MAP3K20: variants seen among roughly 807,000 people sequenced by gnomAD.
MAP3K20 encodes the protein mitogen-activated protein kinase kinase kinase 20.
MAP3K20 carries 40 observed loss-of-function variants against 85.7 expected under a neutral mutation model. The observed-to-expected ratio is 0.47, with a 90% CI of 0.36 to 0.61. The LOEUF (loss-of-function observed/expected upper bound fraction) is 0.61. Ranked by LOEUF, MAP3K20 falls within the 20% of genes least tolerant of loss-of-function variation. MAP3K20 has a pLI of 0.00. For missense variants in MAP3K20, 817 were observed against 961.7 expected, an observed-to-expected ratio of 0.85 and a Z score of 1.99; for synonymous variants, 325 against 327.7, an observed-to-expected ratio of 0.99 and a Z score of 0.09.
chr2:173,144,379 T>C (rs532830768), intron 2 of MAP3K20, among the ~76,000 whole-genome samples: 7 of 138,962 alleles, frequency 5.0e-5, no homozygotes, highest in Non-Finnish European at 9.1e-5. Flanking sequence ...AGGAGAATGG[T>C]GTGAACCTGG....
At chr2:173,259,377 G>A (rs1473452330) in intron 17 of MAP3K20, among the ~76,000 whole-genome samples, 6 of 152,130 alleles carry the variant, frequency 3.9e-5, no homozygotes, top group Non-Finnish European at 7.4e-5. Flanking sequence ...AAAGACTTGT[G>A]GAAATGCTTA....
chr2:173,168,670 C>CT (rs1340189584), intron 2 of MAP3K20, among the ~76,000 whole-genome samples: 5 of 152,138 alleles, frequency 3.3e-5, no homozygotes, highest in African/African-American at 4.8e-5. Flanking sequence ...CTCCAGTCTA[C>CT]TTACTGCCAG....
intron 11 of MAP3K20, 22 bp downstream of exon 11, chr2:173,217,272 C>T: frequency 6.6e-7 from 1 of 1,524,626 alleles, no homozygotes; most frequent in Non-Finnish European, 8.8e-7. Flanking sequence ...CCCCCTTCGC[C>T]GTCTTTCCAC....
intron 2 of MAP3K20, among the ~76,000 whole-genome samples, chr2:173,118,091 T>C (rs1051817259): frequency 1.3e-5 from 2 of 152,238 alleles, no homozygotes; most frequent in African/African-American, 4.8e-5. Flanking sequence ...CTGTTATTGC[T>C]TCCATCATTT....
chr2:173,139,347 G>A (rs1405547020), intron 2 of MAP3K20, among the ~76,000 whole-genome samples: 1 of 152,120 alleles, frequency 6.6e-6, no homozygotes, highest in African/African-American at 2.4e-5. Flanking sequence ...AATTCTGATT[G>A]CTTATGAAGG....
chr2:173,249,219 C>T (rs1684989252), intron 16 of MAP3K20, among the ~76,000 whole-genome samples: 1 of 152,152 alleles, frequency 6.6e-6, no homozygotes, highest in Non-Finnish European at 1.5e-5. Flanking sequence ...GAGATCTTTG[C>T]TTTTAGAAGA....
At chr2:173,196,960 T>C (rs1690864702) in intron 7 of MAP3K20, among the ~76,000 whole-genome samples, 1 of 152,140 alleles carries the variant, frequency 6.6e-6, no homozygotes, top group Non-Finnish European at 1.5e-5. Flanking sequence ...GGCAAGTTTT[T>C]TTTTTTTAAC....
chr2:173,258,809 G>T lies in MAP3K20; in HGVS notation c.1470G>T (p.Met490Ile). ...TACCTGATGCGGAGATTTTAAAGAT[G>T]ACAAAGGTAGGGTTCTATTTACGGC... ...TNLPDAEILK[M>I]TKPPFVMEKW... is the part of the protein sequence containing the mutation. The change falls in exon 17 of 20, where the codon ATG becomes ATT. Residue 490 changes from methionine (M) to isoleucine (I), a missense_variant. This residue lies in a region of MAP3K20 where 454 missense variants were observed against 476.9 expected (regional missense o/e 0.95). Coordinates refer to ENST00000375213, the MANE Select transcript of MAP3K20 (RefSeq NM_016653.3). 6.3e-7 allele frequency: 1 copy of T among 1,592,584 alleles called. No homozygotes were observed. Among genetic ancestry groups the T allele is most frequent in the South Asian group, 1.1e-5 (1 of 89,878 alleles).
At chr2:173,253,677 T>G (rs17691726) in intron 16 of MAP3K20, among the ~76,000 whole-genome samples, 6,410 of 152,248 alleles carry the variant, frequency 0.042, 202 homozygotes, top group South Asian at 0.1. Flanking sequence ...GATGTTTGCT[T>G]TTGAGAGTTG....
chr2:173,129,733 A>G (rs569805798), intron 2 of MAP3K20, among the ~76,000 whole-genome samples: 1 of 152,330 alleles, frequency 6.6e-6, no homozygotes, highest in African/African-American at 2.4e-5. Context: ...ACTTTACCAG[A>G]TGTTTTATCT....
At chr2:173,217,809 C>A (rs1170799484) in intron 11 of MAP3K20, among the ~76,000 whole-genome samples, 2 of 152,176 alleles carry the variant, frequency 1.3e-5, no homozygotes, top group Non-Finnish European at 2.9e-5. Context: ...GACAAGCTTT[C>A]AGTATTTATT....
chr2:173,249,927 C>G (rs77711950), intron 16 of MAP3K20, among the ~76,000 whole-genome samples: 3 of 152,108 alleles, frequency 2.0e-5, no homozygotes, highest in Admixed American at 6.5e-5. Flanking sequence ...CTTAAAGCCC[C>G]TTTTTCATAC....
chr2:173,164,167 C>T (rs1403943573), intron 2 of MAP3K20, among the ~76,000 whole-genome samples: 1 of 152,082 alleles, frequency 6.6e-6, no homozygotes, highest in Non-Finnish European at 1.5e-5. Context: ...ACCATGTTGG[C>T]CAGGCTGGTC....
chr2:173,216,370 G>A (rs946388766), intron 10 of MAP3K20, among the ~76,000 whole-genome samples: 4 of 152,062 alleles, frequency 2.6e-5, no homozygotes, highest in African/African-American at 9.7e-5. Flanking sequence ...CTGGCCCAGG[G>A]TTTTCTACAC....
At chr2:173,133,634 G>T (rs778222040) in intron 2 of MAP3K20, among the ~76,000 whole-genome samples, 1 of 152,080 alleles carries the variant, frequency 6.6e-6, no homozygotes, top group Non-Finnish European at 1.5e-5. Flanking sequence ...TCAAAATGAC[G>T]TGGTGGGCTT....
rs201702267 is a variant in MAP3K20, at chr2:173,242,178, T to TTC, written c.1359+2683_1359+2684insCT. ...AGAGATCTCAACCAAGAAAAAAAAA[T>TTC]TTTTTTTTTTTTTTGAGACGGAGTT... is the stretch of plus-strand genomic sequence containing the variant. On this transcript the variant is annotated intron_variant, in intron 16 of 19. Transcript: ENST00000375213. 2.2e-4 allele frequency among the ~76,000 whole-genome samples: 23 copies of TTC among 104,462 alleles called. No individual in the cohort carries two copies. The East Asian group carries it at 4.7e-3, about 21-fold the overall frequency. 68.5% of individuals were successfully genotyped at this position (104,462 alleles called of 152,430 possible). A position where few individuals can be genotyped will look rare whatever the true frequency, so the allele number is the denominator to read the frequency against.
intron 2 of MAP3K20, among the ~76,000 whole-genome samples, chr2:173,159,678 C>A (rs1046958720): frequency 6.6e-6 from 1 of 152,206 alleles, no homozygotes; most frequent in Admixed American, 6.5e-5. Flanking sequence ...AGGTGAGCCA[C>A]CACACCTGGC....
chr2:173,201,048 T>C (rs889677578), intron 8 of MAP3K20, among the ~76,000 whole-genome samples: 2 of 152,246 alleles, frequency 1.3e-5, no homozygotes, highest in African/African-American at 4.8e-5. Flanking sequence ...GCAATTGAGA[T>C]TGGCGCATTA....
intron 19 of MAP3K20, among the ~76,000 whole-genome samples, chr2:173,264,741 A>G (rs1685373564): frequency 6.6e-6 from 1 of 152,332 alleles, no homozygotes. Context: ...AGGCGAGGAA[A>G]GAAGGCATTG....
Sources: gnomAD v4.1 joint callset for allele counts (sites outside exome capture counted in the v4.1 genomes callset) on GRCh38, gnomAD v4.1.1 for gene constraint, gnomAD v4.1.1 regional missense constraint, MANE v1.5 for transcripts, NCBI Gene and HGNC (gene_info 2026-07-23, HGNC 2026-07-21) for gene names.